PAMR1: variants seen among roughly 807,000 people sequenced by gnomAD.
PAMR1 encodes the protein inactive serine protease PAMR1.
PAMR1 carries 88 observed loss-of-function variants against 81.8 expected under a neutral mutation model. That is an observed-to-expected ratio of 1.08 (90% CI 0.91 to 1.28). The LOEUF is 1.28. Ranked by LOEUF, PAMR1 falls within the 50% of genes most tolerant of loss-of-function variation. The probability of loss-of-function intolerance (pLI) is 0.00; values close to 1 mark genes in which losing one functional copy is unlikely to be tolerated. For synonymous variants in PAMR1, 336 were observed against 345.3 expected (o/e 0.97, Z 0.30); for missense variants, 935 against 919.7 (o/e 1.02, Z -0.21).
At chr11:35,505,873 G>A (rs1304121210) in intron 1 of PAMR1, among the ~76,000 whole-genome samples, 4 of 151,274 alleles carry the variant, frequency 2.6e-5, no homozygotes, top group Non-Finnish European at 1.5e-5. Context: ...TGATAAGTAA[G>A]TACTTCTATT....
chr11:35,431,986 G>C lies in PAMR1; in HGVS notation c.*370C>G, dbSNP rs1268866973. 1 of 245,642 alleles carries C rather than the reference G, an allele frequency of 4.1e-6. No individual in the cohort carries two copies. Among genetic ancestry groups the C allele is most frequent in the East Asian group, 1.0e-4 (1 of 9,836 alleles). 15.2% of individuals were successfully genotyped at this position (245,642 alleles called of 1,614,324 possible). On this transcript the variant is annotated 3_prime_UTR_variant, in exon 11 of 11. Coordinates refer to ENST00000619888, the MANE Select transcript of PAMR1 (RefSeq NM_001001991.3). Reference sequence around the variant, plus strand: ...CCACAGGCAGCTCTCTAGAACTTGAGAGCCTCAAAAGGGGCCTCATGAAGC... The same window carrying C: ...CCACAGGCAGCTCTCTAGAACTTGACAGCCTCAAAAGGGGCCTCATGAAGC...
At chr11:35,467,322 G>A (rs368672265) in intron 6 of PAMR1, among the ~76,000 whole-genome samples, 15 of 152,052 alleles carry the variant, frequency 9.9e-5, no homozygotes, top group Non-Finnish European at 1.9e-4. Flanking sequence ...CTCAACTCAC[G>A]ATCTGCTTTG....
At chr11:35,509,370 G>A (rs920232251) in intron 1 of PAMR1, among the ~76,000 whole-genome samples, 2 of 152,106 alleles carry the variant, frequency 1.3e-5, no homozygotes, top group African/African-American at 4.8e-5. Flanking sequence ...AATTACATTT[G>A]TGGAAGGGCC....
At chr11:35,489,283 T>C (rs1025984459) in intron 3 of PAMR1, among the ~76,000 whole-genome samples, 1 of 152,168 alleles carries the variant, frequency 6.6e-6, no homozygotes, top group African/African-American at 2.4e-5. Flanking sequence ...ACCTCTTCCC[T>C]TTTATTACTC....
chr11:35,526,859 G>A (rs559977835), upstream of PAMR1, among the ~76,000 whole-genome samples: 1 of 152,202 alleles, frequency 6.6e-6, no homozygotes, highest in Non-Finnish European at 1.5e-5. Flanking sequence ...GAATCATGGG[G>A]ACAGTTACCC....
upstream of PAMR1, among the ~76,000 whole-genome samples, chr11:35,529,591 T>A (rs1851435755): frequency 6.7e-6 from 1 of 150,088 alleles, no homozygotes; most frequent in Admixed American, 6.6e-5. Context: ...CTGTTAAGTC[T>A]GAAGAATAGT....
At chr11:35,477,646 G>A (rs138290469) in intron 3 of PAMR1, among the ~76,000 whole-genome samples, 8 of 152,314 alleles carry the variant, frequency 5.3e-5, no homozygotes, top group Non-Finnish European at 1.2e-4. Flanking sequence ...AGCTTAAATC[G>A]TGCATGGCAA....
Position 35,490,301 on chromosome 11 carries a change from G to A in PAMR1, c.379+1744C>T, listed in dbSNP as rs1033711835. On this transcript the variant is annotated intron_variant, in intron 3 of 10. Coordinates refer to ENST00000619888, the MANE Select transcript of PAMR1 (RefSeq NM_001001991.3). ...GACACAGCCAAACCATATCAAAGGC[G>A]TGATCACACTCCTGCCTACCACTCC... is the stretch of plus-strand genomic sequence containing the variant. Among the ~76,000 whole-genome samples the A allele has an allele frequency of 7.2e-5, 11 of 152,256 alleles. No individual in the cohort carries two copies. The South Asian group carries it at 1.5e-3, about 20-fold the overall frequency.
At chr11:35,489,211 C>T (rs1850569919) in intron 3 of PAMR1, among the ~76,000 whole-genome samples, 1 of 152,208 alleles carries the variant, frequency 6.6e-6, no homozygotes, top group Admixed American at 6.5e-5. Flanking sequence ...TCTGCAGAGT[C>T]TCTTATAGAT....
chr11:35,501,618 T>C lies in PAMR1; in HGVS notation c.74-7346A>G, dbSNP rs556187923. 7.9e-5 allele frequency among the ~76,000 whole-genome samples: 12 copies of C among 152,206 alleles called. No individual in the cohort carries two copies. The East Asian group carries it at 1.2e-3, about 15-fold the overall frequency. On this transcript the variant is annotated intron_variant, in intron 1 of 10. Coordinates refer to ENST00000619888, the MANE Select transcript of PAMR1 (RefSeq NM_001001991.3). ...TTTCTTGAAAACTAAGACACAAACA[T>C]ACATATTAGCCTAGGCCTACACAGG...
chr11:35,450,126 A>G (rs1396475848), intron 6 of PAMR1, among the ~76,000 whole-genome samples: 1 of 97,480 alleles, frequency 1.0e-5, no homozygotes, highest in Non-Finnish European at 2.0e-5. Flanking sequence ...GGCTGCCTCC[A>G]GGCAAAAAAA....
In PAMR1 at chr11:35,525,568, C is replaced by G. The variant is rs749115811; in HGVS notation, c.18G>C (p.Trp6Cys). The change falls in exon 1 of 11, where the codon TGG becomes TGC. Residue 6 changes from tryptophan (W) to cysteine (C), a missense_variant. Transcript: ENST00000619888. The stretch of plus-strand genomic sequence containing the variant: ...GAAGAAAAGTGAGCCCCAACTGCGT[C>G]CAGCAACCCAGCTCCATCCTTGCCG... MELGC[W>C]TQLGLTFLQL... 3 of 1,613,966 alleles carry G rather than the reference C, an allele frequency of 1.9e-6. No homozygotes were observed. Among genetic ancestry groups the G allele is most frequent in the South Asian group, 1.1e-5 (1 of 91,016 alleles).
chr11:35,519,583 C>T (rs533567950), intron 1 of PAMR1, among the ~76,000 whole-genome samples: 12 of 152,310 alleles, frequency 7.9e-5, no homozygotes, highest in Non-Finnish European at 1.8e-4. Flanking sequence ...GTCCCAGAAA[C>T]TGGTTGGACT....
At chr11:35,525,449 C>G in intron 1 of PAMR1, 64 bp downstream of exon 1, 1 of 1,393,780 alleles carries the variant, frequency 7.2e-7, no homozygotes, top group Middle Eastern at 1.8e-4. Context: ...CAGGCAGACC[C>G]CAGGAGGAAA....
intron 6 of PAMR1, among the ~76,000 whole-genome samples, chr11:35,467,243 G>T (rs1856773527): frequency 6.6e-6 from 1 of 151,964 alleles, no homozygotes; most frequent in South Asian, 2.1e-4. Flanking sequence ...CCCTTCCCAG[G>T]CCAGCTTCCC....
intron 3 of PAMR1, among the ~76,000 whole-genome samples, chr11:35,490,092 A>G (rs983566548): frequency 1.3e-5 from 2 of 152,238 alleles, no homozygotes; most frequent in South Asian, 2.1e-4. Context: ...CACATCTTAC[A>G]TGGCAGCAGG....
At chr11:35,483,224 C>T (rs978887670) in intron 3 of PAMR1, among the ~76,000 whole-genome samples, 1 of 152,166 alleles carries the variant, frequency 6.6e-6, no homozygotes, top group African/African-American at 2.4e-5. Context: ...GAAATTCAAA[C>T]CCCATAAACC....
At chr11:35,500,296 G>C (rs1850807709) in intron 1 of PAMR1, among the ~76,000 whole-genome samples, 1 of 152,160 alleles carries the variant, frequency 6.6e-6, no homozygotes, top group South Asian at 2.1e-4. Flanking sequence ...GAATCACTCT[G>C]TTCCTCATTT....
chr11:35,459,745 G>A (rs1007392570), intron 6 of PAMR1, among the ~76,000 whole-genome samples: 16 of 151,764 alleles, frequency 1.1e-4, no homozygotes, highest in African/African-American at 3.7e-4. Flanking sequence ...AGAAGAAGCT[G>A]TAGCTGGAAA....
Sources: allele counts gnomAD v4.1 joint callset (sites outside exome capture counted in the v4.1 genomes callset), GRCh38; gene constraint gnomAD v4.1.1; transcripts MANE v1.5; gene names NCBI Gene and HGNC (gene_info 2026-07-23, HGNC 2026-07-21).